SCEL: variants seen among roughly 807,000 people sequenced by gnomAD.
SCEL encodes the protein sciellin.
Under a neutral mutation model 117.6 loss-of-function variants are expected in SCEL, and 113 were observed. The observed-to-expected ratio is 0.96, with a 90% CI of 0.83 to 1.12. The LOEUF (loss-of-function observed/expected upper bound fraction) is 1.12. Ranked by LOEUF, SCEL falls within the 50% of genes most tolerant of loss-of-function variation. The pLI is 0.00. For missense variants in SCEL, 785 were observed against 810.8 expected (o/e 0.97, Z 0.39); for synonymous variants, 270 against 256.2 (o/e 1.05, Z -0.51).
At chr13:77,599,240 G>A (rs1206815265) in intron 13 of SCEL, 89 bp from the exon 14 acceptor site, 3 of 865,736 alleles carry the variant, frequency 3.5e-6, no homozygotes, top group African/African-American at 1.7e-5. Flanking sequence ...TCTGTTTCCT[G>A]TCTTAGATGT....
chr13:77,627,375 C>T (rs1261889923), intron 27 of SCEL, among the ~76,000 whole-genome samples: 2 of 152,016 alleles, frequency 1.3e-5, no homozygotes, highest in African/African-American at 4.8e-5. Flanking sequence ...TAAATGTTAG[C>T]TGAAAAGAAG....
intron 27 of SCEL, among the ~76,000 whole-genome samples, chr13:77,625,708 AAG>A (rs765837356): frequency 3.9e-5 from 6 of 152,212 alleles, no homozygotes; most frequent in Non-Finnish European, 7.3e-5. Flanking sequence ...GTTATGTAAA[AAG>A]AGTATTAAAT....
At chr13:77,556,426 G>T (rs1372330149) in intron 2 of SCEL, among the ~76,000 whole-genome samples, 170 bp from the exon 3 acceptor site, 2 of 152,194 alleles carry the variant, frequency 1.3e-5, no homozygotes, top group Non-Finnish European at 2.9e-5. Flanking sequence ...GTGATGGGGT[G>T]TGGGATCTGT....
chr13:77,590,793 G>A (rs998348560), intron 10 of SCEL, among the ~76,000 whole-genome samples: 2 of 152,028 alleles, frequency 1.3e-5, no homozygotes, highest in Non-Finnish European at 1.5e-5. Flanking sequence ...ACAAAAAATA[G>A]TCGAATATAG....
At chr13:77,601,176 T>C (rs1190344229) in intron 15 of SCEL, among the ~76,000 whole-genome samples, 1 of 151,578 alleles carries the variant, frequency 6.6e-6, no homozygotes, top group Admixed American at 6.6e-5. Context: ...GTTCCAGATA[T>C]TTTTCAAAAA....
intron 4 of SCEL, among the ~76,000 whole-genome samples, chr13:77,560,331 C>T (rs1214349896): frequency 6.6e-6 from 1 of 151,692 alleles, no homozygotes; most frequent in African/African-American, 2.4e-5. Flanking sequence ...CCAGCTACTC[C>T]AGGGGCTGAG....
intron 28 of SCEL, among the ~76,000 whole-genome samples, chr13:77,632,186 G>T (rs141926825): frequency 6.6e-6 from 1 of 152,288 alleles, no homozygotes; most frequent in East Asian, 1.9e-4. Flanking sequence ...TAAATTTTGG[G>T]GGAATACATC....
intron 12 of SCEL, among the ~76,000 whole-genome samples, chr13:77,594,945 A>G (rs1358316142): frequency 6.6e-6 from 1 of 152,144 alleles, no homozygotes; most frequent in African/African-American, 2.4e-5. Context: ...ATTGTCCTGA[A>G]TGTTTCATTT....
In SCEL at chr13:77,599,710, C is replaced by T. The variant is rs2087513711; in HGVS notation, c.879C>T (p.Leu293=). 6.8e-6 allele frequency: 11 copies of T among 1,612,358 alleles called. No individual in the cohort carries two copies. In the East Asian group the frequency reaches 2.5e-4, roughly 36 times the overall value. ...TCAGAGCCAAAAGCCTTGAAAGTCT[C>T]ATCTATATGAGTACCCGGACAGATA... ...REKRAKSLES[L]IYMSTRTDKD... The change falls in exon 15 of 33, where the codon CTC becomes CTT. Residue 293 remains leucine (L), a synonymous_variant. Transcript: ENST00000349847.
chr13:77,593,295 T>TGTGTGTGTGC (rs796907419), intron 11 of SCEL, among the ~76,000 whole-genome samples: 35 of 136,782 alleles, frequency 2.6e-4, no homozygotes, highest in Non-Finnish European at 1.3e-4. Flanking sequence ...TGTGTGTGTG[T>TGTGTGTGTGC]GTCTGTGTGT....
chr13:77,617,021 C>A (rs1351698891), intron 24 of SCEL, among the ~76,000 whole-genome samples: 4 of 152,110 alleles, frequency 2.6e-5, no homozygotes, highest in Non-Finnish European at 5.9e-5. Context: ...AGAGGAAACA[C>A]TGTTCTGTGG....
chr13:77,601,645 A>T (rs146123053), intron 15 of SCEL, among the ~76,000 whole-genome samples: 28 of 152,348 alleles, frequency 1.8e-4, no homozygotes, highest in Admixed American at 5.2e-4. Context: ...AAGAGAAATG[A>T]CTTGTCTGAA....
chr13:77,589,000 A>C, intron 9 of SCEL, 144 bp from the exon 10 acceptor site: 2 of 626,078 alleles, frequency 3.2e-6, no homozygotes, highest in Non-Finnish European at 5.7e-6. Context: ...TGCTCCATGG[A>C]TTCTGACCTT....
intron 1 of SCEL, among the ~76,000 whole-genome samples, chr13:77,547,096 A>T (rs2084033215): frequency 6.6e-6 from 1 of 152,192 alleles, no homozygotes; most frequent in Non-Finnish European, 1.5e-5. Flanking sequence ...ATATGCAATC[A>T]TTGTCTGCCA....
intron 29 of SCEL, among the ~76,000 whole-genome samples, chr13:77,634,883 A>T (rs2090200663): frequency 6.6e-6 from 1 of 152,224 alleles, no homozygotes; most frequent in Non-Finnish European, 1.5e-5. Context: ...GGCCCAAGTT[A>T]TGGGATATTG....
intron 30 of SCEL, among the ~76,000 whole-genome samples, chr13:77,637,805 A>G (rs1459845798): frequency 6.6e-6 from 1 of 152,146 alleles, no homozygotes; most frequent in Non-Finnish European, 1.5e-5. Flanking sequence ...TCTGGGCCCA[A>G]GCTCAGTTCC....
intron 24 of SCEL, among the ~76,000 whole-genome samples, chr13:77,615,140 A>G (rs995550192): frequency 2.6e-5 from 4 of 152,146 alleles, no homozygotes; most frequent in African/African-American, 7.2e-5. Context: ...GAGCTAATTA[A>G]TAAACACAGA....
intron 9 of SCEL, among the ~76,000 whole-genome samples, chr13:77,582,069 G>A (rs2086291989): frequency 6.6e-6 from 1 of 152,090 alleles, no homozygotes. Context: ...GCTTGGGACT[G>A]TCTTCATACT....
At chr13:77,631,684 C>G (rs1183537495) in intron 28 of SCEL, among the ~76,000 whole-genome samples, 1 of 152,190 alleles carries the variant, frequency 6.6e-6, no homozygotes, top group Admixed American at 6.5e-5. Flanking sequence ...ACATGAGGAG[C>G]AAAATCCATC....
Sources: allele counts gnomAD v4.1 joint callset (sites outside exome capture counted in the v4.1 genomes callset), GRCh38; gene constraint gnomAD v4.1.1; transcripts MANE v1.5; gene names NCBI Gene and HGNC (gene_info 2026-07-23, HGNC 2026-07-21).